ARHGAP40: variants seen among roughly 807,000 people sequenced by gnomAD.
ARHGAP40 encodes rho GTPase-activating protein 40.
ARHGAP40 carries 43 observed loss-of-function variants against 73.5 expected under a neutral mutation model. That is an observed-to-expected ratio of 0.58 (90% confidence interval 0.46 to 0.75). The LOEUF is 0.75. ARHGAP40 is among the 30% of genes least tolerant of loss of function. ARHGAP40 has a pLI of 0.00. For synonymous variants in ARHGAP40, 300 were observed against 352.8 expected (o/e 0.85, Z 1.68); for missense variants, 734 against 861.8 (o/e 0.85, Z 1.86).
At chr20:38,638,202 C>T (rs2088990178) in intron 7 of ARHGAP40, among the ~76,000 whole-genome samples, 1 of 151,460 alleles carries the variant, frequency 6.6e-6, no homozygotes, top group African/African-American at 2.4e-5. Context: ...GTAGTCCCAG[C>T]TACTTGGGAG....
exon 6 of ARHGAP40, chr20:38,634,691 G>T: frequency 7.7e-7 from 1 of 1,305,428 alleles, no homozygotes; most frequent in South Asian, 1.2e-5. Flanking sequence ...ATATGAGGAA[G>T]GTACCTTCTC....
intron 13 of ARHGAP40, among the ~76,000 whole-genome samples, chr20:38,647,826 G>A (rs1207818228): frequency 6.6e-6 from 1 of 152,242 alleles, no homozygotes; most frequent in Non-Finnish European, 1.5e-5. Flanking sequence ...GTTACAAACT[G>A]TATTAGGTTT....
rs184276575 is a variant in ARHGAP40, at chr20:38,602,740, C to T, written c.137+661C>T. On this transcript the variant is annotated intron_variant, in intron 1 of 14. Transcript: ENST00000373345. ...GTAAACCTAAACTTGTATAGTTTTA[C>T]ACAAATAGGCTCTTGTGTTACATGT... is the stretch of plus-strand genomic sequence containing the variant. 4.1e-3 allele frequency among the ~76,000 whole-genome samples: 620 copies of T among 152,294 alleles called. 4 individuals are homozygous for T. The highest frequency in any genetic ancestry group is 0.014 in the African/African-American group (571 of 41,550).
At chr20:38,617,119 A>G (rs1310633303) in intron 1 of ARHGAP40, among the ~76,000 whole-genome samples, 3 of 152,136 alleles carry the variant, frequency 2.0e-5, no homozygotes, top group Non-Finnish European at 2.9e-5. Flanking sequence ...TGCTGAAGCC[A>G]GGCCACGCTC....
chr20:38,625,736 G>A (rs220540), intron 2 of ARHGAP40, among the ~76,000 whole-genome samples: 149,909 of 152,322 alleles, frequency 0.98, 73,773 homozygotes, highest in East Asian at 1. Flanking sequence ...CTTTTTATTC[G>A]GACACCAACT....
At chr20:38,629,809 C>G (rs1358049156) in intron 5 of ARHGAP40, among the ~76,000 whole-genome samples, 159 bp downstream of exon 5, 1 of 152,240 alleles carries the variant, frequency 6.6e-6, no homozygotes, top group Non-Finnish European at 1.5e-5. Flanking sequence ...TGAGTGACCG[C>G]TGGGTATCAA....
Position 38,607,005 on chromosome 20 carries a change from C to G in ARHGAP40, c.137+4926C>G, listed in dbSNP as rs372890641. ...TCCTTTTCTGTAAAATGGTTGTGAACAGCGGTACCTGCTTCATAGACTTGT... is the reference window on the plus strand; with the variant it reads ...TCCTTTTCTGTAAAATGGTTGTGAAGAGCGGTACCTGCTTCATAGACTTGT... On this transcript the variant is annotated intron_variant, in intron 1 of 14. Transcript: ENST00000373345. Among the ~76,000 whole-genome samples the G allele has an allele frequency of 3.3e-5, 5 of 152,172 alleles. No homozygotes were observed. The East Asian group carries it at 7.7e-4, about 23-fold the overall frequency.
chr20:38,618,084 G>A (rs1174523949), intron 1 of ARHGAP40, among the ~76,000 whole-genome samples: 1 of 151,700 alleles, frequency 6.6e-6, no homozygotes, highest in Non-Finnish European at 1.5e-5. Context: ...GTTGACACTA[G>A]AGCCAAATTT....
chr20:38,602,303 T>G (rs2088739903), intron 1 of ARHGAP40, among the ~76,000 whole-genome samples: 1 of 152,182 alleles, frequency 6.6e-6, no homozygotes, highest in Admixed American at 6.5e-5. Context: ...GACACAGCAT[T>G]GCCCTGGGTT....
exon 6 of ARHGAP40, chr20:38,634,748 C>T: frequency 1.5e-6 from 2 of 1,302,630 alleles, no homozygotes; most frequent in Non-Finnish European, 2.0e-6. Flanking sequence ...TCGGCTTGGA[C>T]CTGAAGAGGA....
At position 38,637,791 on chromosome 20, in the gene ARHGAP40, C is replaced by T. The variant is rs1402433963; in HGVS notation, c.1033C>T (p.Leu345Phe). ...CCCCAGCACACAGGTCCCGCTGGTC[C>T]TTCAAGCCGTAAGTCGCCCCTACCC... is the stretch of plus-strand genomic sequence containing the variant. The change falls in exon 7 of 15, where the codon CTT becomes TTT. Residue 345 changes from leucine (L) to phenylalanine (F), a missense_variant. Transcript: ENST00000373345. 1.7e-5 allele frequency: 22 copies of T among 1,305,028 alleles called. No homozygotes were observed. Among genetic ancestry groups the T allele is most frequent in the Non-Finnish European group, 2.2e-5 (22 of 988,896 alleles). 80.8% of individuals were successfully genotyped at this position (1,305,028 alleles called of 1,614,324 possible).
intron 5 of ARHGAP40, among the ~76,000 whole-genome samples, chr20:38,631,087 G>A (rs1298386314): frequency 1.3e-5 from 2 of 152,170 alleles, no homozygotes; most frequent in Admixed American, 1.3e-4. Flanking sequence ...CAAGGCGAGA[G>A]GATTGCTTGA....
At chr20:38,641,151 C>G (rs2089016088) in intron 9 of ARHGAP40, among the ~76,000 whole-genome samples, 1 of 152,052 alleles carries the variant, frequency 6.6e-6, no homozygotes, top group Non-Finnish European at 1.5e-5. Context: ...GCCTGGCGCC[C>G]AGGGTGCTCA....
chr20:38,639,874 A>G (rs1413413578), intron 9 of ARHGAP40, among the ~76,000 whole-genome samples: 1 of 152,208 alleles, frequency 6.6e-6, no homozygotes, highest in Non-Finnish European at 1.5e-5. Context: ...TCCACAATGA[A>G]CAAAGATAGT....
In ARHGAP40 at chr20:38,626,599, C is replaced by T. The variant is rs111993502; in HGVS notation, c.338-396C>T. ...AGGACTTCCCAAAGGGACATCAACACCCAGCACCAACTTCCCAAGGGGACA... is the reference window on the plus strand; with the variant it reads ...AGGACTTCCCAAAGGGACATCAACATCCAGCACCAACTTCCCAAGGGGACA... On this transcript the variant is annotated intron_variant, in intron 2 of 14. Transcript: ENST00000373345. 4.3e-3 allele frequency among the ~76,000 whole-genome samples: 656 copies of T among 152,326 alleles called. 3 individuals carry two copies. Among genetic ancestry groups the T allele is most frequent in the Non-Finnish European group, 7.3e-3 (497 of 68,030 alleles).
intron 6 of ARHGAP40, among the ~76,000 whole-genome samples, chr20:38,634,996 C>G (rs2088965161): frequency 6.6e-6 from 1 of 152,044 alleles, no homozygotes; most frequent in African/African-American, 2.4e-5. Flanking sequence ...ATTCTTTTGC[C>G]TCAGCCACCC....
chr20:38,615,526 G>A (rs1044441899), intron 1 of ARHGAP40: 1 of 625,730 alleles, frequency 1.6e-6, no homozygotes, highest in African/African-American at 1.8e-5. Context: ...GGGCCCTTCA[G>A]TGTCCCGGAG....
At position 38,614,969 on chromosome 20, in the gene ARHGAP40, C is replaced by T. The variant is rs541924534; in HGVS notation, c.138-8390C>T. 120 of 1,232,636 alleles carry T rather than the reference C, an allele frequency of 9.7e-5. 1 individual carries two copies. In the African/African-American group the frequency reaches 1.2e-3, roughly 12 times the overall value. The allele number at this position is 1,232,636 out of a possible 1,614,324, so 76.4% of individuals were successfully genotyped here. ...GGCTGGAGGTTTGTGCGAGTTTGTA[C>T]GTGTGGTTGAGCGCTTGTGTGAGGA... On this transcript the variant is annotated intron_variant, in intron 1 of 14. Transcript: ENST00000373345.
chr20:38,628,336 G>A (rs1389617490), intron 3 of ARHGAP40, among the ~76,000 whole-genome samples: 2 of 148,040 alleles, frequency 1.4e-5, no homozygotes, highest in East Asian at 2.0e-4. Context: ...ACTGAGCCTC[G>A]CTCTGTCGCC....
Sources: gnomAD v4.1 joint callset for allele counts (sites outside exome capture counted in the v4.1 genomes callset) on GRCh38, gnomAD v4.1.1 for gene constraint, MANE v1.5 for transcripts, NCBI Gene and HGNC (gene_info 2026-07-23, HGNC 2026-07-21) for gene names.